The following SNTG1 variants were observed in gnomAD, a reference collection of about 807,000 sequenced individuals.
The protein encoded by SNTG1 is syntrophin gamma 1, also known as gamma-1-syntrophin.
Under a neutral mutation model 74.7 loss-of-function variants are expected in SNTG1, and 39 were observed. The ratio of observed to expected loss-of-function variants is 0.52; its 90% CI spans 0.40 to 0.68. The LOEUF (loss-of-function observed/expected upper bound fraction) is 0.68. SNTG1 is among the 30% of genes least tolerant of loss of function. The pLI is 0.00. For missense variants in SNTG1, 685 were observed against 609.5 expected (o/e 1.12, Z -1.30); for synonymous variants, 254 against 217.1 (o/e 1.17, Z -1.49).
At chr8:50,173,091 G>C (rs141090425) in intron 2 of SNTG1, among the ~76,000 whole-genome samples, 1 of 152,294 alleles carries the variant, frequency 6.6e-6, no homozygotes, top group African/African-American at 2.4e-5. Flanking sequence ...AGTGGGTTGC[G>C]ATGCTTGGCA....
chr8:50,016,326 T>A lies in SNTG1; in HGVS notation c.-103+104095T>A, dbSNP rs576832517. Among the ~76,000 whole-genome samples the A allele has an allele frequency of 1.0e-3, 154 of 152,248 alleles. 1 individual carries two copies. The highest frequency in any genetic ancestry group is 3.5e-3 in the African/African-American group (145 of 41,560). ...GATGCCATTTCAAAATGATATTTTT[T>A]AAAATTTTTCACTCAGCTCATGAGG... On this transcript the variant is annotated intron_variant, in intron 1 of 18. Coordinates refer to ENST00000642720, the MANE Select transcript of SNTG1 (RefSeq NM_018967.5).
intron 2 of SNTG1, among the ~76,000 whole-genome samples, chr8:50,263,774 G>T (rs946477960): frequency 2.6e-5 from 4 of 152,076 alleles, no homozygotes; most frequent in Non-Finnish European, 5.9e-5. Flanking sequence ...CTTCAATACA[G>T]GTAGAGCAAG....
At chr8:50,043,569 T>A (rs1292965900) in intron 1 of SNTG1, among the ~76,000 whole-genome samples, 1 of 152,220 alleles carries the variant, frequency 6.6e-6, no homozygotes, top group Non-Finnish European at 1.5e-5. Flanking sequence ...TCCTTCACAC[T>A]CCTGGCCTCA....
intron 1 of SNTG1, among the ~76,000 whole-genome samples, chr8:50,153,631 C>T (rs1263561437): frequency 6.6e-6 from 1 of 152,222 alleles, no homozygotes; most frequent in East Asian, 1.9e-4. Flanking sequence ...AGTCAGGACC[C>T]TCAGCTGCAG....
At chr8:50,494,769 A>T (rs939444644) in intron 8 of SNTG1, among the ~76,000 whole-genome samples, 1 of 152,118 alleles carries the variant, frequency 6.6e-6, no homozygotes, top group African/African-American at 2.4e-5. Context: ...TTTATTACAT[A>T]AAATCTTGTT....
At chr8:49,954,541 A>G (rs1375600670) in intron 1 of SNTG1, among the ~76,000 whole-genome samples, 1 of 152,114 alleles carries the variant, frequency 6.6e-6, no homozygotes, top group Non-Finnish European at 1.5e-5. Context: ...CAGAAACTGT[A>G]TTTTCTCTGC....
chr8:50,779,509 T>G lies in SNTG1; in HGVS notation c.1396-13162T>G, dbSNP rs578246806. ...TCATTATTTGGCTCTCTGTTTGTCTTTTATTGGTGTATAAGAATGCTTGTG... is the reference window on the plus strand; with the variant it reads ...TCATTATTTGGCTCTCTGTTTGTCTGTTATTGGTGTATAAGAATGCTTGTG... On this transcript the variant is annotated intron_variant, in intron 18 of 18. Coordinates refer to ENST00000642720, the MANE Select transcript of SNTG1 (RefSeq NM_018967.5). Among the ~76,000 whole-genome samples, 158 of 151,778 alleles carry G rather than the reference T, an allele frequency of 1.0e-3. 1 individual carries two copies. The highest frequency in any genetic ancestry group is 3.5e-3 in the African/African-American group (146 of 41,268).
chr8:50,043,770 A>C (rs762060856), intron 1 of SNTG1, among the ~76,000 whole-genome samples: 7 of 152,176 alleles, frequency 4.6e-5, no homozygotes, highest in Non-Finnish European at 1.0e-4. Context: ...GTGAGATTAC[A>C]ACATAGGGAG....
intron 9 of SNTG1, among the ~76,000 whole-genome samples, chr8:50,521,778 A>C (rs2094181639): frequency 6.6e-6 from 1 of 152,184 alleles, no homozygotes; most frequent in African/African-American, 2.4e-5. Context: ...ATCTTCACCA[A>C]GAATAGAGTC....
chr8:50,176,336 C>T (rs1409291385), intron 2 of SNTG1, among the ~76,000 whole-genome samples: 2 of 152,178 alleles, frequency 1.3e-5, no homozygotes, highest in South Asian at 2.1e-4. Flanking sequence ...TCATTGACTT[C>T]ACTTGGAAAT....
intron 2 of SNTG1, among the ~76,000 whole-genome samples, chr8:50,343,813 C>G (rs1252336678): frequency 6.6e-6 from 1 of 152,108 alleles, no homozygotes; most frequent in Non-Finnish European, 1.5e-5. Context: ...ATAGTAATAA[C>G]TCAGAAAAAA....
At chr8:50,691,586 T>C (rs2095379688) in intron 15 of SNTG1, among the ~76,000 whole-genome samples, 1 of 152,238 alleles carries the variant, frequency 6.6e-6, no homozygotes, top group South Asian at 2.1e-4. Context: ...CCCCACTCTC[T>C]TCTGGCTTGT....
intron 12 of SNTG1, among the ~76,000 whole-genome samples, chr8:50,554,631 C>T (rs755014826): frequency 9.2e-5 from 14 of 151,886 alleles, no homozygotes; most frequent in Non-Finnish European, 1.6e-4. Flanking sequence ...CTGGTGTTGT[C>T]ACCATATTAG....
intron 8 of SNTG1, among the ~76,000 whole-genome samples, chr8:50,454,889 ACTGAGTACTTTCTGAGG>A (rs1039678531): frequency 2.0e-5 from 3 of 151,072 alleles, no homozygotes; most frequent in East Asian, 1.9e-4. Flanking sequence ...AAGCACTGAG[ACTGAGTACTTTCTGAGG>A]CTGAGTACTT....
At chr8:50,647,016 A>C (rs1487944915) in intron 13 of SNTG1, among the ~76,000 whole-genome samples, 2 of 152,260 alleles carry the variant, frequency 1.3e-5, no homozygotes, top group Middle Eastern at 3.4e-3. Flanking sequence ...ATGAGGAATA[A>C]AAAAATAATA....
At chr8:50,039,851 C>A (rs1818483556) in intron 1 of SNTG1, among the ~76,000 whole-genome samples, 1 of 152,164 alleles carries the variant, frequency 6.6e-6, no homozygotes, top group South Asian at 2.1e-4. Flanking sequence ...ATTCAGAAGA[C>A]ACTGAACTTG....
chr8:50,550,245 G>A (rs910331255), intron 11 of SNTG1, among the ~76,000 whole-genome samples: 2 of 152,074 alleles, frequency 1.3e-5, no homozygotes, highest in African/African-American at 4.8e-5. Context: ...ACCTCATTCT[G>A]AGCCTGCCTG....
intron 1 of SNTG1, among the ~76,000 whole-genome samples, chr8:50,033,270 T>C (rs1042825897): frequency 1.3e-5 from 2 of 151,908 alleles, no homozygotes; most frequent in Non-Finnish European, 2.9e-5. Context: ...ATTACAGGCA[T>C]GCGCCACCAC....
intron 2 of SNTG1, among the ~76,000 whole-genome samples, chr8:50,177,613 G>A (rs1369345253): frequency 2.0e-5 from 3 of 152,296 alleles, no homozygotes; most frequent in East Asian, 1.9e-4. Context: ...AGAGGCAAAC[G>A]TTGACAAGTG....
Sources: gnomAD v4.1 joint callset for allele counts (sites outside exome capture counted in the v4.1 genomes callset) on GRCh38, gnomAD v4.1.1 for gene constraint, MANE v1.5 for transcripts, NCBI Gene and HGNC (gene_info 2026-07-23, HGNC 2026-07-21) for gene names.